Variants in FSTL4 observed in about 807,000 individuals in gnomAD.
FSTL4 encodes the protein follistatin-related protein 4.
In FSTL4, 28 loss-of-function variants were observed where a neutral mutation model predicts 78.2. The observed-to-expected ratio is 0.36, with a 90% confidence interval of 0.27 to 0.49. FSTL4 has a LOEUF of 0.49. Among genes scored for constraint, FSTL4 ranks in the 20% least tolerant of loss-of-function variants. FSTL4 has a pLI of 0.98. For synonymous variants in FSTL4, 422 were observed against 440.5 expected, an observed-to-expected ratio of 0.96 and a Z score of 0.53; for missense variants, 922 against 1,084.9, an observed-to-expected ratio of 0.85 and a Z score of 2.11.
At chr5:133,481,314 G>A (rs1236444903) in intron 3 of FSTL4, among the ~76,000 whole-genome samples, 3 of 152,192 alleles carry the variant, frequency 2.0e-5, no homozygotes, top group Non-Finnish European at 4.4e-5. Context: ...GCTGAGGTGG[G>A]TGGATCACTT....
chr5:133,841,861 C>T, the FSTL4 span, among the ~76,000 whole-genome samples: 1 of 152,224 alleles, frequency 6.6e-6, no homozygotes, highest in Admixed American at 6.5e-5. Context: ...GAATTTCACT[C>T]CTGAGTCCTT....
the FSTL4 span, among the ~76,000 whole-genome samples, chr5:133,712,149 CAG>C: frequency 6.6e-6 from 1 of 152,208 alleles, no homozygotes; most frequent in South Asian, 2.1e-4. Context: ...GAGGCCAACT[CAG>C]AGCTGTAACT....
chr5:133,550,962 G>A (rs1156676199), intron 3 of FSTL4, among the ~76,000 whole-genome samples: 3 of 152,110 alleles, frequency 2.0e-5, no homozygotes, highest in East Asian at 3.9e-4. Flanking sequence ...GTACACTTAC[G>A]ATGCCTGCCC....
At chr5:133,807,925 T>C in the FSTL4 span, among the ~76,000 whole-genome samples, 2 of 152,328 alleles carry the variant, frequency 1.3e-5, no homozygotes, top group South Asian at 4.1e-4. Context: ...TGCCCTAGAC[T>C]TCCTGCGCTC....
At chr5:133,449,950 G>A (rs1399337308) in intron 3 of FSTL4, among the ~76,000 whole-genome samples, 1 of 152,202 alleles carries the variant, frequency 6.6e-6, no homozygotes, top group Non-Finnish European at 1.5e-5. Flanking sequence ...ACACACTGTG[G>A]TCAGTTGTCT....
the FSTL4 span, among the ~76,000 whole-genome samples, chr5:133,774,894 C>A: frequency 1.3e-5 from 2 of 152,124 alleles, no homozygotes; most frequent in Non-Finnish European, 2.9e-5. Context: ...GATGATAAAT[C>A]TTGCACAAAT....
the FSTL4 span, among the ~76,000 whole-genome samples, chr5:133,627,424 T>C: frequency 1.3e-5 from 2 of 152,052 alleles, no homozygotes; most frequent in Non-Finnish European, 2.9e-5. Flanking sequence ...ATAAGAACAG[T>C]ATGGGGGAGA....
chr5:133,804,071 C>T, the FSTL4 span, among the ~76,000 whole-genome samples: 1 of 152,314 alleles, frequency 6.6e-6, no homozygotes, highest in African/African-American at 2.4e-5. Context: ...TGAATGTAGC[C>T]TTTCTGAATT....
intron 3 of FSTL4, among the ~76,000 whole-genome samples, chr5:133,474,354 C>A (rs547155669): frequency 6.6e-6 from 1 of 152,252 alleles, no homozygotes; most frequent in East Asian, 1.9e-4. Context: ...AGTGCCAGTG[C>A]CCAGCTAGAG....
At position 133,537,781 on chromosome 5, in the gene FSTL4, C is replaced by G. The variant is rs527996424; in HGVS notation, c.160+29405G>C. 8.1e-5 allele frequency among the ~76,000 whole-genome samples: 12 copies of G among 148,340 alleles called. No individual in the cohort carries two copies. In the South Asian group the frequency reaches 2.4e-3, roughly 29 times the overall value. On this transcript the variant is annotated intron_variant, in intron 3 of 15. Transcript: ENST00000265342. ...CCCCATTTGCTTATCATTTCTCTCTCACATATATATATATATACACACACA... is the reference window on the plus strand; with the variant it reads ...CCCCATTTGCTTATCATTTCTCTCTGACATATATATATATATACACACACA...
At chr5:133,373,004 G>A (rs901941507) in intron 4 of FSTL4, among the ~76,000 whole-genome samples, 5 of 152,272 alleles carry the variant, frequency 3.3e-5, no homozygotes, top group East Asian at 3.9e-4. Flanking sequence ...AATCCCCAAC[G>A]TGAAGGTATT....
the FSTL4 span, among the ~76,000 whole-genome samples, chr5:133,644,315 T>G: frequency 2.0e-5 from 3 of 148,802 alleles, no homozygotes; most frequent in Admixed American, 2.0e-4. Flanking sequence ...TTTGTGTGTG[T>G]TTTTTTTTTC....
intron 4 of FSTL4, among the ~76,000 whole-genome samples, chr5:133,373,456 AG>A (rs1755365276): frequency 6.6e-6 from 1 of 152,216 alleles, no homozygotes; most frequent in Non-Finnish European, 1.5e-5. Flanking sequence ...ACCATGTGGG[AG>A]GGTTGCACAA....
intron 2 of FSTL4, chr5:133,574,723 A>T (rs1184455569): frequency 2.0e-5 from 3 of 152,374 alleles, no homozygotes; most frequent in Non-Finnish European, 4.4e-5. Flanking sequence ...ATATCCATAC[A>T]ATGGAAAACT....
intron 4 of FSTL4, among the ~76,000 whole-genome samples, chr5:133,364,623 C>CACTT (rs1306533318): frequency 6.6e-6 from 1 of 152,190 alleles, no homozygotes; most frequent in Non-Finnish European, 1.5e-5. Flanking sequence ...TTTTTTAAGC[C>CACTT]ACTTAATTGA....
At chr5:133,417,626 GA>G (rs1756601818) in intron 3 of FSTL4, among the ~76,000 whole-genome samples, 2 of 152,140 alleles carry the variant, frequency 1.3e-5, no homozygotes, top group African/African-American at 4.8e-5. Context: ...GAAGCAGCCA[GA>G]GGAAGAAAAG....
rs182220703 is a variant in FSTL4, at chr5:133,261,341, G to A, written c.728-11765C>T. ...AGGCATCACACGTAGGTACATATCCGGTGGAAAGGATGTGAGTTTTAAGAA... is the reference window on the plus strand; with the variant it reads ...AGGCATCACACGTAGGTACATATCCAGTGGAAAGGATGTGAGTTTTAAGAA... On this transcript the variant is annotated intron_variant, in intron 6 of 15. Transcript: ENST00000265342. Among the ~76,000 whole-genome samples the A allele has an allele frequency of 9.3e-4, 142 of 152,174 alleles. 2 individuals carry two copies. In the South Asian group the frequency reaches 9.8e-3, roughly 10 times the overall value.
intron 6 of FSTL4, among the ~76,000 whole-genome samples, chr5:133,308,375 T>C (rs1481589300): frequency 1.3e-5 from 2 of 152,210 alleles, no homozygotes. Flanking sequence ...TCTTGTTACT[T>C]ACTATCCAAA....
At chr5:133,792,717 G>A in the FSTL4 span, among the ~76,000 whole-genome samples, 1 of 152,192 alleles carries the variant, frequency 6.6e-6, no homozygotes, top group Non-Finnish European at 1.5e-5. Flanking sequence ...AGAATGCAGT[G>A]GAAGTCATGG....
Sources: gnomAD v4.1 joint callset for allele counts (sites outside exome capture counted in the v4.1 genomes callset) on GRCh38, gnomAD v4.1.1 for gene constraint, MANE v1.5 for transcripts, NCBI Gene and HGNC (gene_info 2026-07-23, HGNC 2026-07-21) for gene names.